Variants in KAT14 observed in about 807,000 individuals in gnomAD.
KAT14 encodes the protein lysine acetyltransferase 14, also known as cysteine-rich protein 2-binding protein.
In KAT14, 66 loss-of-function variants were observed where a neutral mutation model predicts 78.4. That is an observed-to-expected ratio of 0.84 (90% CI 0.69 to 1.03). The LOEUF (loss-of-function observed/expected upper bound fraction) is 1.03. Among genes scored for constraint, KAT14 ranks in the 50% least tolerant of loss-of-function variants. The probability of loss-of-function intolerance (pLI) is 0.00; values close to 1 mark genes in which losing one functional copy is unlikely to be tolerated. For synonymous variants in KAT14, 344 were observed against 359.4 expected (o/e 0.96, Z 0.48); for missense variants, 870 against 972.5 (o/e 0.89, Z 1.40).
chr20:18,162,693 G>C lies in KAT14; in HGVS notation c.1416G>C (p.Lys472Asn). 1 of 1,614,230 alleles carries C rather than the reference G, an allele frequency of 6.2e-7. No homozygotes were observed. Among genetic ancestry groups the C allele is most frequent in the South Asian group, 1.1e-5 (1 of 91,090 alleles). The change falls in exon 7 of 11, where the codon AAG becomes AAC. Residue 472 changes from lysine (K) to asparagine (N), a missense_variant. By Grantham distance (94) the Lys-to-Asn change is moderately conservative. Transcript: ENST00000688188. ...VSIYEEKLLL[K>N]RLEACPGAVA... ...TCTACGAGGAAAAGCTGCTGCTCAAGAGGCTGGAAGCTTGTCCCGGTGCTG... is the reference window on the plus strand; with the variant it reads ...TCTACGAGGAAAAGCTGCTGCTCAACAGGCTGGAAGCTTGTCCCGGTGCTG...
At chr20:18,154,857 A>G (rs1254736002) in intron 4 of KAT14, among the ~76,000 whole-genome samples, 1 of 152,230 alleles carries the variant, frequency 6.6e-6, no homozygotes, top group Admixed American at 6.5e-5. Context: ...AGTAGAAGAA[A>G]ATATTCAAGC....
chr20:18,166,712 G>C (rs2038654333), intron 7 of KAT14, among the ~76,000 whole-genome samples: 1 of 152,174 alleles, frequency 6.6e-6, no homozygotes, highest in Non-Finnish European at 1.5e-5. Flanking sequence ...CTCTGTATTT[G>C]ATCTCCTGTT....
At chr20:18,179,757 CAA>C (rs1052716157) in intron 7 of KAT14, among the ~76,000 whole-genome samples, 1 of 152,154 alleles carries the variant, frequency 6.6e-6, no homozygotes, top group African/African-American at 2.4e-5. Context: ...ACTTTCTCCT[CAA>C]AAAATAGGTT....
chr20:18,176,773 T>A (rs1236915542), intron 7 of KAT14, among the ~76,000 whole-genome samples: 1 of 151,754 alleles, frequency 6.6e-6, no homozygotes, highest in East Asian at 1.9e-4. Context: ...GAGTTTGAAC[T>A]GCATTCTGAA....
intron 1 of KAT14, 57 bp from the exon 2 acceptor site, chr20:18,142,151 C>A: frequency 6.7e-7 from 1 of 1,494,598 alleles, no homozygotes; most frequent in Non-Finnish European, 8.9e-7. Context: ...TTGAATGGCA[C>A]AAGGATGGGG....
intron 10 of KAT14, among the ~76,000 whole-genome samples, chr20:18,185,698 A>G (rs969684205): frequency 4.6e-5 from 7 of 152,138 alleles, no homozygotes; most frequent in African/African-American, 9.7e-5. Context: ...TTTTTAGTCA[A>G]CTTTTACTTA....
At chr20:18,174,675 T>TA (rs1568672659) in intron 7 of KAT14, among the ~76,000 whole-genome samples, 1 of 151,662 alleles carries the variant, frequency 6.6e-6, no homozygotes, top group Non-Finnish European at 1.5e-5. Flanking sequence ...TTTTATTTTT[T>TA]TTTTTGAGGT....
At chr20:18,178,643 C>T (rs544069394) in intron 7 of KAT14, among the ~76,000 whole-genome samples, 7 of 152,198 alleles carry the variant, frequency 4.6e-5, no homozygotes, top group African/African-American at 7.2e-5. Flanking sequence ...AAACCGCCCC[C>T]GTGATTCAAA....
chr20:18,152,461 C>T (rs2038083582), intron 4 of KAT14, among the ~76,000 whole-genome samples: 2 of 152,182 alleles, frequency 1.3e-5, no homozygotes, highest in Admixed American at 6.5e-5. Flanking sequence ...CCCGTAATCC[C>T]AGCTACTCGG....
chr20:18,143,789 G>C (rs778561739), intron 2 of KAT14, among the ~76,000 whole-genome samples: 2 of 151,950 alleles, frequency 1.3e-5, no homozygotes, highest in Non-Finnish European at 1.5e-5. Context: ...CACCATGCCC[G>C]GCCAATTTTG....
Position 18,143,881 on chromosome 20 carries a change from C to T in KAT14, c.259+962C>T, listed in dbSNP as rs1231913883. ...CCAACCTCAGGTGATCCATCCGCCT[C>T]GGCCTCCCAAAGTGCTGGGATTACA... On this transcript the variant is annotated intron_variant, in intron 2 of 10. Coordinates refer to ENST00000688188, the MANE Select transcript of KAT14 (RefSeq NM_001392073.1). Among the ~76,000 whole-genome samples the T allele has an allele frequency of 3.3e-5, 5 of 152,170 alleles. No individual in the cohort carries two copies. In the South Asian group the frequency reaches 1.0e-3, roughly 32 times the overall value.
chr20:18,162,033 G>A lies in KAT14; in HGVS notation c.893G>A (p.Arg298Lys). 2 of 1,614,268 alleles carry A rather than the reference G, an allele frequency of 1.2e-6. No individual in the cohort carries two copies. The highest frequency in any genetic ancestry group is 1.6e-4 in the Middle Eastern group (1 of 6,062). The change falls in exon 6 of 11, where the codon AGG (arginine) becomes AAG (lysine). Residue 298 changes from arginine to lysine, a missense_variant. Transcript: ENST00000688188. ...GTAAAATTCATAAGCCGAGGCCGCA[G>A]GCCAGATGTGATTCTGGAAAAAGGC... is the stretch of plus-strand genomic sequence containing the variant. The part of the protein sequence containing the change: ...TPVKFISRGR[R>K]PDVILEKGEV...
Position 18,142,688 on chromosome 20 carries a change from C to G in KAT14, c.28C>G (p.Leu10Val). The G allele has an allele frequency of 6.2e-7, 1 of 1,614,136 alleles. No homozygotes were observed. Among genetic ancestry groups the G allele is most frequent in the Non-Finnish European group, 8.5e-7 (1 of 1,180,036 alleles). Reference sequence around the variant, plus strand: ...GGATAGTAGCATCCACCTGAGTAGTCTGATCAGTCGGCATGATGACGAAGC... The same window carrying G: ...GGATAGTAGCATCCACCTGAGTAGTGTGATCAGTCGGCATGATGACGAAGC... MDSSIHLSS[L>V]ISRHDDEATR... Residue 10 changes from leucine to valine, a missense_variant, in exon 2 of 11, where the codon CTG becomes GTG. Physicochemically the swap from Leu to Val is conservative, Grantham distance 32. Transcript: ENST00000688188.
intron 5 of KAT14, among the ~76,000 whole-genome samples, chr20:18,160,896 C>T (rs991966943): frequency 5.3e-5 from 8 of 151,368 alleles, no homozygotes; most frequent in Non-Finnish European, 1.2e-4. Context: ...GTAATAAGGC[C>T]GGGCATGGTG....
chr20:18,176,463 C>T (rs938526611), intron 7 of KAT14, among the ~76,000 whole-genome samples: 1 of 152,140 alleles, frequency 6.6e-6, no homozygotes. Context: ...AGAGTGAACG[C>T]GGGGACAGTG....
rs2039256302 is a variant in KAT14, at chr20:18,181,626, C to T, written c.1669-84C>T. 10 of 1,582,858 alleles carry T rather than the reference C, an allele frequency of 6.3e-6. No individual in the cohort carries two copies. In the South Asian group the frequency reaches 1.0e-4, roughly 17 times the overall value. On this transcript the variant is annotated intron_variant, in intron 7 of 10. Coordinates refer to ENST00000688188, the MANE Select transcript of KAT14 (RefSeq NM_001392073.1). ...CCTTGTGATCCGCCTACCTCAGCTT[C>T]CCAAAGTGTTGGGATTACCGGCATG...
chr20:18,139,431 A>G (rs1030967561), intron 1 of KAT14, among the ~76,000 whole-genome samples: 11 of 152,152 alleles, frequency 7.2e-5, no homozygotes, highest in African/African-American at 1.4e-4. Flanking sequence ...CTGAACATCA[A>G]ATGTTCCCGG....
chr20:18,141,770 G>A (rs1291501100), intron 1 of KAT14, among the ~76,000 whole-genome samples: 1 of 152,164 alleles, frequency 6.6e-6, no homozygotes, highest in African/African-American at 2.4e-5. Flanking sequence ...TGTAGTCTCA[G>A]CTACTCGGGA....
chr20:18,174,530 A>G (rs1489264514), intron 7 of KAT14, among the ~76,000 whole-genome samples: 1 of 152,102 alleles, frequency 6.6e-6, no homozygotes, highest in African/African-American at 2.4e-5. Context: ...GAAGTGTAGT[A>G]TCTCATTGCA....
Sources: gnomAD v4.1 joint callset for allele counts (sites outside exome capture counted in the v4.1 genomes callset) on GRCh38, gnomAD v4.1.1 for gene constraint, MANE v1.5 for transcripts, NCBI Gene and HGNC (gene_info 2026-07-23, HGNC 2026-07-21) for gene names.